The following AGBL4 variants were observed in gnomAD, a reference collection of about 807,000 sequenced individuals.
AGBL4 encodes the protein cytosolic carboxypeptidase 6.
Under a neutral mutation model 66.4 loss-of-function variants are expected in AGBL4, and 58 were observed. The observed-to-expected ratio is 0.87, with a 90% CI of 0.71 to 1.09. AGBL4 has a LOEUF of 1.09. Among genes scored for constraint, AGBL4 ranks in the 50% least tolerant of loss-of-function variants. The probability of loss-of-function intolerance (pLI) is 0.00; values close to 1 mark genes in which losing one functional copy is unlikely to be tolerated. For synonymous variants in AGBL4, 234 were observed against 222.9 expected (o/e 1.05, Z -0.44); for missense variants, 579 against 631.0 (o/e 0.92, Z 0.88).
chr1:48,643,494 C>T (rs1012041417), intron 8 of AGBL4, among the ~76,000 whole-genome samples: 3 of 152,196 alleles, frequency 2.0e-5, no homozygotes, highest in African/African-American at 7.2e-5. Flanking sequence ...GGCTCTGAAT[C>T]AAATCACTGG....
At chr1:50,009,696 C>A (rs1435564504) in intron 1 of AGBL4, among the ~76,000 whole-genome samples, 1 of 150,436 alleles carries the variant, frequency 6.6e-6, no homozygotes, top group Non-Finnish European at 1.5e-5. Flanking sequence ...AAAGGGCATC[C>A]AAATTGTAAA....
chr1:49,072,093 CTGG>C (rs1184180971), intron 4 of AGBL4, among the ~76,000 whole-genome samples: 3 of 152,006 alleles, frequency 2.0e-5, no homozygotes, highest in Admixed American at 2.0e-4. Context: ...TTCCATTTGC[CTGG>C]TAGGTCTTCC....
intron 1 of AGBL4, among the ~76,000 whole-genome samples, chr1:49,888,566 G>A (rs1388856800): frequency 1.3e-5 from 2 of 151,990 alleles, no homozygotes; most frequent in Non-Finnish European, 2.9e-5. Context: ...TAAACTAAAG[G>A]GATACATTAC....
intron 4 of AGBL4, among the ~76,000 whole-genome samples, chr1:49,126,744 T>C (rs915039140): frequency 5.3e-5 from 8 of 152,168 alleles, no homozygotes; most frequent in Non-Finnish European, 1.0e-4. Flanking sequence ...GTGCCTCTTT[T>C]GATAGATTGT....
chr1:49,362,584 A>G (rs1644163564), intron 3 of AGBL4, among the ~76,000 whole-genome samples: 1 of 152,034 alleles, frequency 6.6e-6, no homozygotes, highest in Non-Finnish European at 1.5e-5. Flanking sequence ...TTCTTTGCGC[A>G]AACACCCACA....
At chr1:49,550,863 A>G (rs2148837450) in intron 3 of AGBL4, among the ~76,000 whole-genome samples, 1 of 152,186 alleles carries the variant, frequency 6.6e-6, no homozygotes, top group African/African-American at 2.4e-5. Flanking sequence ...GCAAGGCTGA[A>G]GTTTTCCTCA....
intron 3 of AGBL4, among the ~76,000 whole-genome samples, chr1:49,293,383 C>T (rs1644580971): frequency 6.6e-6 from 1 of 152,158 alleles, no homozygotes; most frequent in South Asian, 2.1e-4. Flanking sequence ...CAGGCCTGAG[C>T]AAAACTCAGG....
intron 6 of AGBL4, among the ~76,000 whole-genome samples, chr1:48,672,661 T>C (rs1385348571): frequency 6.6e-6 from 1 of 152,174 alleles, no homozygotes; most frequent in African/African-American, 2.4e-5. Flanking sequence ...CTCAACCTGT[T>C]TTCCATCCTT....
At chr1:48,901,740 G>T (rs928838955) in intron 5 of AGBL4, among the ~76,000 whole-genome samples, 1 of 152,188 alleles carries the variant, frequency 6.6e-6, no homozygotes, top group Non-Finnish European at 1.5e-5. Context: ...GTTATGTGGG[G>T]ATGAGTGGGA....
At chr1:48,998,472 A>G (rs1661173419) in intron 5 of AGBL4, among the ~76,000 whole-genome samples, 2 of 152,148 alleles carry the variant, frequency 1.3e-5, no homozygotes, top group South Asian at 4.1e-4. Flanking sequence ...CACATTTCCT[A>G]TGAACATTCT....
chr1:48,730,404 A>G (rs1015985669), intron 6 of AGBL4, among the ~76,000 whole-genome samples: 1 of 151,992 alleles, frequency 6.6e-6, no homozygotes, highest in African/African-American at 2.4e-5. Context: ...ACTATCTACG[A>G]AAGTAGCATT....
intron 4 of AGBL4, among the ~76,000 whole-genome samples, chr1:49,189,332 A>T (rs557261893): frequency 6.6e-6 from 1 of 152,234 alleles, no homozygotes; most frequent in South Asian, 2.1e-4. Context: ...GGTACATAGG[A>T]TAGGGCTGAT....
At chr1:49,368,885 G>C (rs1036059906) in intron 3 of AGBL4, among the ~76,000 whole-genome samples, 1 of 151,956 alleles carries the variant, frequency 6.6e-6, no homozygotes, top group Admixed American at 6.6e-5. Context: ...GACCAGCCTG[G>C]GCAACATGGC....
intron 3 of AGBL4, among the ~76,000 whole-genome samples, chr1:49,620,614 T>C (rs1396868445): frequency 1.3e-5 from 2 of 152,110 alleles, no homozygotes; most frequent in Middle Eastern, 3.2e-3. Context: ...TTTTGAATTA[T>C]ATTATGTATA....
intron 1 of AGBL4, among the ~76,000 whole-genome samples, chr1:49,940,069 GA>G (rs1296485737): frequency 3.3e-5 from 5 of 152,126 alleles, no homozygotes; most frequent in Non-Finnish European, 5.9e-5. Context: ...CTCAAAAGAA[GA>G]CATTTATGCA....
rs576038993 is a variant in AGBL4 at position 48,544,024 on chromosome 1, T to G, written c.1268-4286A>C. On this transcript the variant is annotated intron_variant, in intron 11 of 13. Coordinates refer to ENST00000371839, the MANE Select transcript of AGBL4 (RefSeq NM_032785.4). The stretch of plus-strand genomic sequence containing the variant: ...TCCTGATTTGAAGGCACCTTTTCTG[T>G]CAAAGCCTGAGTCATCCCAGGCCAG... 5.9e-5 allele frequency among the ~76,000 whole-genome samples: 9 copies of G among 152,304 alleles called. No individual in the cohort carries two copies. In the East Asian group the frequency reaches 1.7e-3, roughly 29 times the overall value.
chr1:48,536,635 G>T (rs1413128320), intron 12 of AGBL4, among the ~76,000 whole-genome samples: 2 of 152,152 alleles, frequency 1.3e-5, no homozygotes, highest in East Asian at 3.9e-4. Flanking sequence ...GAGCTGACAA[G>T]CCCCGTTACA....
chr1:49,378,825 G>T (rs1245673638), intron 3 of AGBL4, among the ~76,000 whole-genome samples: 1 of 152,102 alleles, frequency 6.6e-6, no homozygotes, highest in Non-Finnish European at 1.5e-5. Context: ...AGTAGTAATG[G>T]TCCAGCTCTA....
Position 50,016,592 on chromosome 1 carries a change from G to A in AGBL4, c.34+7171C>T, listed in dbSNP as rs540724376. Reference sequence around the variant, plus strand: ...ATAATAAATAAAAATAATAAAAAGCGGGCAAAGGAGATGAACAGGCAGTTC... The same window carrying A: ...ATAATAAATAAAAATAATAAAAAGCAGGCAAAGGAGATGAACAGGCAGTTC... On this transcript the variant is annotated intron_variant, in intron 1 of 13. Transcript: ENST00000371839. Among the ~76,000 whole-genome samples the A allele has an allele frequency of 1.1e-3, 173 of 152,096 alleles. 1 individual carries two copies. Among genetic ancestry groups the A allele is most frequent in the African/African-American group, 4.1e-3 (169 of 41,494 alleles).
Sources: gnomAD v4.1 joint callset for allele counts (sites outside exome capture counted in the v4.1 genomes callset) on GRCh38, gnomAD v4.1.1 for gene constraint, MANE v1.5 for transcripts, NCBI Gene and HGNC (gene_info 2026-07-23, HGNC 2026-07-21) for gene names.